Variants in ATP8A2 observed in about 807,000 individuals in gnomAD.
ATP8A2 encodes the protein ATPase phospholipid transporting 8A2, also known as phospholipid-transporting ATPase IB.
ATP8A2 carries 100 observed loss-of-function variants against 165.6 expected under a neutral mutation model. The observed-to-expected ratio is 0.60, with a 90% CI of 0.51 to 0.71. The LOEUF is 0.71. Among genes scored for constraint, ATP8A2 ranks in the 30% least tolerant of loss-of-function variants. ATP8A2 has a pLI of 0.00. For missense variants in ATP8A2, 1,227 were observed against 1,479.5 expected (o/e 0.83, Z 2.80); for synonymous variants, 543 against 548.8 (o/e 0.99, Z 0.15).
At chr13:25,851,093 G>A (rs1951995687) in intron 30 of ATP8A2, among the ~76,000 whole-genome samples, 2 of 152,176 alleles carry the variant, frequency 1.3e-5, no homozygotes, top group South Asian at 4.1e-4. Context: ...TCCAGATGGT[G>A]TTAGCTTTGC....
chr13:25,451,646 A>G (rs550802606), intron 1 of ATP8A2, among the ~76,000 whole-genome samples: 1 of 152,168 alleles, frequency 6.6e-6, no homozygotes, highest in African/African-American at 2.4e-5. Context: ...AAGTTAGCTT[A>G]GACTTCGTAG....
intron 24 of ATP8A2, among the ~76,000 whole-genome samples, chr13:25,689,693 T>C (rs960898919): frequency 2.0e-5 from 3 of 152,206 alleles, no homozygotes; most frequent in Non-Finnish European, 2.9e-5. Flanking sequence ...CATTGATTCA[T>C]TGTGTCCCTC....
intron 33 of ATP8A2, among the ~76,000 whole-genome samples, chr13:25,876,834 A>G (rs1952831615): frequency 6.6e-6 from 1 of 152,222 alleles, no homozygotes; most frequent in Non-Finnish European, 1.5e-5. Flanking sequence ...AAATAGAATT[A>G]AATATTGCAT....
rs758599511 is a variant in ATP8A2, at chr13:25,862,351, T to C, written c.3126T>C (p.Phe1042=). 2 of 1,614,156 alleles carry C rather than the reference T, an allele frequency of 1.2e-6. No homozygotes were observed. The highest frequency in any genetic ancestry group is 1.7e-6 in the Non-Finnish European group (2 of 1,179,994). The change falls in exon 33 of 37, where the codon TTT becomes TTC. Residue 1042 remains phenylalanine, a synonymous_variant. Coordinates refer to ENST00000381655, the MANE Select transcript of ATP8A2 (RefSeq NM_016529.6). ...WGSMLTWLVF[F]GIYSTIWPTI... is the part of the protein sequence containing the mutation. The stretch of plus-strand genomic sequence containing the variant: ...GCATGCTGACCTGGCTGGTGTTTTT[T>C]GGCATCTACTCGACCATCTGGCCCA...
intron 4 of ATP8A2, among the ~76,000 whole-genome samples, chr13:25,531,283 ATATATGATATATATGT>A (rs2038058375): frequency 1.5e-3 from 86 of 57,792 alleles, no homozygotes; most frequent in African/African-American, 4.4e-3. Flanking sequence ...TATATATGTT[ATATATGATATATATGT>A]TATATATGAT....
At chr13:25,730,925 A>G (rs1019525532) in intron 25 of ATP8A2, among the ~76,000 whole-genome samples, 1 of 151,978 alleles carries the variant, frequency 6.6e-6, no homozygotes, top group Admixed American at 6.6e-5. Context: ...AACTCAAAAA[A>G]TTAGCCAGGT....
intron 36 of ATP8A2, among the ~76,000 whole-genome samples, chr13:26,017,539 C>CTGGG (rs1261069914): frequency 6.6e-6 from 1 of 152,208 alleles, no homozygotes; most frequent in East Asian, 1.9e-4. Flanking sequence ...AGGCAGGAGG[C>CTGGG]TGGGGCAGCT....
In ATP8A2 at chr13:25,968,595, A is replaced by C. The variant is rs1317513146; in HGVS notation, c.3293A>C (p.Lys1098Thr). 3 of 1,613,784 alleles carry C rather than the reference A, an allele frequency of 1.9e-6. No individual in the cohort carries two copies. The highest frequency in any genetic ancestry group is 2.2e-5 in the East Asian group (1 of 44,888). ...CACAGAGCCAAGCACACCTGCAAAAAGACATTGCTGGAGGAGGTGCAGGAG... is the reference window on the plus strand; with the variant it reads ...CACAGAGCCAAGCACACCTGCAAAACGACATTGCTGGAGGAGGTGCAGGAG... Reference protein sequence around the residue: ...AWRAAKHTCKKTLLEEVQELE... With the variant: ...AWRAAKHTCKTTLLEEVQELE... The change falls in exon 35 of 37, where the codon AAG becomes ACG. Residue 1098 changes from lysine to threonine, a missense_variant. By Grantham distance (78) the Lys-to-Thr change is moderately conservative (BLOSUM62 -1). Coordinates refer to ENST00000381655, the MANE Select transcript of ATP8A2 (RefSeq NM_016529.6).
intron 1 of ATP8A2, among the ~76,000 whole-genome samples, chr13:25,412,747 C>T (rs2034006367): frequency 6.6e-6 from 1 of 152,202 alleles, no homozygotes; most frequent in Non-Finnish European, 1.5e-5. Context: ...TGGTCACCCA[C>T]CAGCCTGTTC....
rs189305477 is a variant in ATP8A2, at chr13:25,395,638, C to T, written c.76+23350C>T. On this transcript the variant is annotated intron_variant, in intron 1 of 36. Transcript: ENST00000381655. Reference sequence around the variant, plus strand: ...GCAGCCTTGAACTCCTGGGCTCAAACGATCCTCCCAGCTCAGTCTATTGAG... The same window carrying T: ...GCAGCCTTGAACTCCTGGGCTCAAATGATCCTCCCAGCTCAGTCTATTGAG... Among the ~76,000 whole-genome samples the T allele has an allele frequency of 3.0e-4, 45 of 152,178 alleles. 1 individual carries two copies. The East Asian group carries it at 3.5e-3, about 12-fold the overall frequency.
intron 33 of ATP8A2, among the ~76,000 whole-genome samples, chr13:25,929,540 C>G (rs1954705332): frequency 6.6e-6 from 1 of 152,144 alleles, no homozygotes; most frequent in South Asian, 2.1e-4. Flanking sequence ...CATGCTACCC[C>G]TGAACAAAAT....
intron 35 of ATP8A2, among the ~76,000 whole-genome samples, chr13:25,973,320 G>A (rs970721537): frequency 2.6e-5 from 4 of 152,118 alleles, no homozygotes; most frequent in African/African-American, 4.8e-5. Flanking sequence ...TAATCTGGAC[G>A]GCCCATCACC....
At chr13:25,494,235 A>C (rs2137659112) in intron 2 of ATP8A2, among the ~76,000 whole-genome samples, 3 of 152,266 alleles carry the variant, frequency 2.0e-5, no homozygotes, top group Middle Eastern at 3.4e-3. Context: ...GTGTTGAATA[A>C]TGTACTTCCG....
chr13:25,752,734 A>G (rs1020704500), intron 25 of ATP8A2, among the ~76,000 whole-genome samples: 3 of 152,186 alleles, frequency 2.0e-5, no homozygotes, highest in African/African-American at 4.8e-5. Context: ...TTGCCCACAC[A>G]TAAGCATTAT....
chr13:25,977,630 CTGTTGTTGT>C (rs370018492), intron 35 of ATP8A2, among the ~76,000 whole-genome samples: 2 of 152,118 alleles, frequency 1.3e-5, no homozygotes, highest in South Asian at 2.1e-4. Flanking sequence ...TTCCAAGAGC[CTGTTGTTGT>C]TGTTGTTGTT....
At chr13:25,623,892 A>G (rs1395841442) in intron 24 of ATP8A2, among the ~76,000 whole-genome samples, 1 of 151,020 alleles carries the variant, frequency 6.6e-6, no homozygotes, top group Non-Finnish European at 1.5e-5. Flanking sequence ...ATATGCATAT[A>G]TCTATAATGC....
intron 33 of ATP8A2, among the ~76,000 whole-genome samples, chr13:25,926,664 A>G (rs1954615501): frequency 6.6e-6 from 1 of 152,200 alleles, no homozygotes; most frequent in African/African-American, 2.4e-5. Context: ...ATTTGAAAAT[A>G]AAAATAAATG....
intron 1 of ATP8A2, among the ~76,000 whole-genome samples, chr13:25,402,917 A>T (rs377434150): frequency 2.6e-5 from 4 of 152,172 alleles, no homozygotes; most frequent in Non-Finnish European, 4.4e-5. Flanking sequence ...GTTTCCGATG[A>T]GGTCCCTGTG....
chr13:25,551,355 T>C lies in ATP8A2; in HGVS notation c.909T>C (p.Pro303=). The change falls in exon 11 of 37, where the codon CCT becomes CCC. Residue 303 remains proline (P), a synonymous_variant. Transcript: ENST00000381655. ...TKLMQNSTKA[P]LKRSNVEKVT... ...TTGTGTAGAATTCAACCAAAGCGCCTCTCAAGAGATCAAATGTTGAGAAGG... is the reference window on the plus strand; with the variant it reads ...TTGTGTAGAATTCAACCAAAGCGCCCCTCAAGAGATCAAATGTTGAGAAGG... The C allele has an allele frequency of 6.2e-7, 1 of 1,613,990 alleles. No individual in the cohort carries two copies. Among genetic ancestry groups the C allele is most frequent in the Non-Finnish European group, 8.5e-7 (1 of 1,179,926 alleles).
Sources: gnomAD v4.1 joint callset for allele counts (sites outside exome capture counted in the v4.1 genomes callset) on GRCh38, gnomAD v4.1.1 for gene constraint, MANE v1.5 for transcripts, NCBI Gene and HGNC (gene_info 2026-07-23, HGNC 2026-07-21) for gene names.